Variants in MAF observed in about 807,000 individuals in gnomAD.
MAF encodes MAF bZIP transcription factor.
Under a neutral mutation model 22.0 loss-of-function variants are expected in MAF, and 10 were observed. The observed-to-expected ratio is 0.45, with a 90% CI of 0.28 to 0.77. The LOEUF is 0.77. MAF is among the 30% of genes least tolerant of loss of function. MAF has a pLI of 0.12. For synonymous variants in MAF, 337 were observed against 255.8 expected (o/e 1.32, Z -3.03); for missense variants, 544 against 548.4 (o/e 0.99, Z 0.08).
At chr16:79,415,789 T>A in the MAF span, among the ~76,000 whole-genome samples, 8 of 152,042 alleles carry the variant, frequency 5.3e-5, no homozygotes, top group East Asian at 1.6e-3. Context: ...TTGGGGCTAG[T>A]TATTAAAAAT....
Position 79,598,867 on chromosome 16 carries a change from C to G in MAF, c.1036G>C (p.Glu346Gln), listed in dbSNP as rs747887687. 6.2e-7 allele frequency: 1 copy of G among 1,613,874 alleles called. No individual in the cohort carries two copies. Among genetic ancestry groups the G allele is most frequent in the Non-Finnish European group, 8.5e-7 (1 of 1,180,006 alleles). ...CTGCTCACCAACTTCTCGTATTTCT[C>G]CTTGTACGCGTCCCTCTCGCGCACC... ...RLVRERDAYK[E>Q]KYEKLVSSGF... is the part of the protein sequence containing the mutation. Residue 346 changes from glutamate to glutamine, a missense_variant, in exon 1 of 2, where the codon GAG becomes CAG. Around this residue, in one of 5 missense-constraint regions of MAF, gnomAD observed 129 missense variants for 113.6 expected, o/e 1.14. Coordinates refer to ENST00000326043, the MANE Select transcript of MAF (RefSeq NM_005360.5).
the MAF span, among the ~76,000 whole-genome samples, chr16:79,327,245 G>A: frequency 1.3e-5 from 2 of 152,198 alleles, no homozygotes. Context: ...TGCCTGTGGT[G>A]GAGGGTATAG....
the MAF span, among the ~76,000 whole-genome samples, chr16:79,397,564 C>G: frequency 6.6e-6 from 1 of 152,050 alleles, no homozygotes; most frequent in Non-Finnish European, 1.5e-5. Flanking sequence ...TTAACAAAAG[C>G]AAAGAAGTGT....
the MAF span, chr16:79,229,586 G>C: frequency 6.6e-6 from 1 of 152,208 alleles, no homozygotes; most frequent in Admixed American, 6.6e-5. Context: ...CGTGGAGGCC[G>C]TTCGGTAACT....
the MAF span, among the ~76,000 whole-genome samples, chr16:79,568,056 G>A: frequency 1.3e-5 from 2 of 152,096 alleles, no homozygotes; most frequent in East Asian, 1.9e-4. Context: ...TAATCACCTC[G>A]GAAAGCAAAA....
the MAF span, among the ~76,000 whole-genome samples, chr16:79,251,600 G>C: frequency 6.6e-6 from 1 of 151,360 alleles, no homozygotes; most frequent in Non-Finnish European, 1.5e-5. Context: ...GAGCCACTGC[G>C]CCAGGCCTAA....
chr16:79,402,872 C>G, the MAF span, among the ~76,000 whole-genome samples: 3 of 152,206 alleles, frequency 2.0e-5, no homozygotes, highest in South Asian at 2.1e-4. Context: ...GGAAACGTCT[C>G]AACCCACATC....
At chr16:79,489,552 G>A in the MAF span, among the ~76,000 whole-genome samples, 1 of 152,228 alleles carries the variant, frequency 6.6e-6, no homozygotes, top group East Asian at 1.9e-4. Context: ...GGGAACAGAA[G>A]TACCTAATTC....
At chr16:79,261,584 C>A in the MAF span, among the ~76,000 whole-genome samples, 1 of 152,172 alleles carries the variant, frequency 6.6e-6, no homozygotes, top group Non-Finnish European at 1.5e-5. Flanking sequence ...TCATGCCCTT[C>A]TCTGGGGGAA....
the MAF span, among the ~76,000 whole-genome samples, chr16:79,446,495 C>T: frequency 6.6e-6 from 1 of 152,096 alleles, no homozygotes; most frequent in South Asian, 2.1e-4. Context: ...TACATAATCA[C>T]CCATCTAACT....
chr16:79,314,654 C>T, the MAF span, among the ~76,000 whole-genome samples: 1 of 152,180 alleles, frequency 6.6e-6, no homozygotes, highest in Non-Finnish European at 1.5e-5. Flanking sequence ...GAGCAAATGC[C>T]GGCTGGTTCC....
chr16:79,363,504 T>A, the MAF span, among the ~76,000 whole-genome samples: 1 of 149,392 alleles, frequency 6.7e-6, no homozygotes, highest in Non-Finnish European at 1.5e-5. Flanking sequence ...AATACTTTAC[T>A]TACTTACTTA....
the MAF span, among the ~76,000 whole-genome samples, chr16:79,328,096 C>A: frequency 6.6e-6 from 1 of 152,330 alleles, no homozygotes; most frequent in East Asian, 1.9e-4. Flanking sequence ...AAGTTGCTTT[C>A]ATCCCTGCAG....
chr16:79,560,911 T>G, the MAF span, among the ~76,000 whole-genome samples: 1 of 152,178 alleles, frequency 6.6e-6, no homozygotes, highest in African/African-American at 2.4e-5. Context: ...TTGGAGAAAT[T>G]CAACAGCCAT....
At chr16:79,207,393 A>T in the MAF span, among the ~76,000 whole-genome samples, 2 of 152,254 alleles carry the variant, frequency 1.3e-5, no homozygotes. Flanking sequence ...GACGTTAGTC[A>T]TGGGAACACT....
chr16:79,456,278 A>G, the MAF span, among the ~76,000 whole-genome samples: 49 of 151,914 alleles, frequency 3.2e-4, no homozygotes, highest in South Asian at 9.8e-3. Flanking sequence ...TAATTATTCC[A>G]CTCCATTCCA....
At chr16:79,237,305 C>G in the MAF span, among the ~76,000 whole-genome samples, 3 of 152,070 alleles carry the variant, frequency 2.0e-5, no homozygotes, top group Non-Finnish European at 4.4e-5. Flanking sequence ...AACACGCAGG[C>G]TCTATTAGTT....
the MAF span, among the ~76,000 whole-genome samples, chr16:79,302,538 C>T: frequency 4.5e-4 from 68 of 152,362 alleles, no homozygotes; most frequent in Middle Eastern, 0.01. Context: ...GCAGCACTCT[C>T]GTTCTCCCTT....
At chr16:79,209,146 G>C in the MAF span, among the ~76,000 whole-genome samples, 1 of 152,144 alleles carries the variant, frequency 6.6e-6, no homozygotes, top group Non-Finnish European at 1.5e-5. Context: ...AAAAAGTTAG[G>C]CTTTTCAAAA....
Sources: allele counts gnomAD v4.1 joint callset (sites outside exome capture counted in the v4.1 genomes callset), GRCh38; gene constraint gnomAD v4.1.1; regional missense constraint gnomAD v4.1.1; transcripts MANE v1.5; gene names NCBI Gene and HGNC (gene_info 2026-07-23, HGNC 2026-07-21).